The following SLC9B1 variants were observed in gnomAD, a reference collection of about 807,000 sequenced individuals.
The protein encoded by SLC9B1 is solute carrier family 9 member B1.
Under a neutral mutation model 51.7 loss-of-function variants are expected in SLC9B1, and 32 were observed. That is an observed-to-expected ratio of 0.62 (90% CI 0.47 to 0.83). SLC9B1 has a LOEUF of 0.83. Ranked by LOEUF, SLC9B1 falls within the 40% of genes least tolerant of loss-of-function variation. The pLI is 0.00. For synonymous variants in SLC9B1, 145 were observed against 212.7 expected (o/e 0.68, Z 2.77); for missense variants, 406 against 613.2 (o/e 0.66, Z 3.57).
chr4:102,984,231 T>C (rs1327065894), intron 3 of SLC9B1, among the ~76,000 whole-genome samples: 1 of 152,108 alleles, frequency 6.6e-6, no homozygotes, highest in Admixed American at 6.6e-5. Flanking sequence ...TCTTCCCACC[T>C]CAGCCTCCCA....
chr4:102,968,729 C>T lies in SLC9B1; in HGVS notation c.212-19302G>A, dbSNP rs558429214. Among the ~76,000 whole-genome samples the T allele has an allele frequency of 1.4e-3, 211 of 152,284 alleles. No homozygotes were observed. The Middle Eastern group carries it at 0.017, about 12-fold the overall frequency. ...GGTGAGCTGAAGCAGGGCAGGGCAT[C>T]GCCTCATCCGGGAAGCAGCACAAGG... On this transcript the variant is annotated intron_variant, in intron 3 of 11. Coordinates refer to ENST00000296422, the MANE Select transcript of SLC9B1 (RefSeq NM_139173.4).
At chr4:102,986,177 T>G (rs1560520844) in intron 3 of SLC9B1, among the ~76,000 whole-genome samples, 2 of 152,084 alleles carry the variant, frequency 1.3e-5, no homozygotes, top group Non-Finnish European at 2.9e-5. Context: ...CAATTTTTGT[T>G]TATCTGTGAA....
intron 1 of SLC9B1, among the ~76,000 whole-genome samples, chr4:103,002,253 C>CT (rs1386543809): frequency 6.6e-6 from 1 of 152,198 alleles, no homozygotes; most frequent in Non-Finnish European, 1.5e-5. Flanking sequence ...ACTGTCCATA[C>CT]TTTCCTATAT....
At chr4:102,915,962 C>T (rs1735558130) in intron 7 of SLC9B1, among the ~76,000 whole-genome samples, 1 of 151,530 alleles carries the variant, frequency 6.6e-6, no homozygotes, top group African/African-American at 2.4e-5. Context: ...AGAAAGGAAC[C>T]CAAGCATGCC....
chr4:103,002,325 T>A lies in SLC9B1; in HGVS notation c.-1-10613A>T, dbSNP rs146658479. 2.6e-3 allele frequency among the ~76,000 whole-genome samples: 392 copies of A among 152,328 alleles called. 1 individual carries two copies. The highest frequency in any genetic ancestry group is 6.8e-3 in the Middle Eastern group (2 of 294). ...CTATAAATAAAGGAGTTGGAGCCCA[T>A]CAGGCAGTCTGACTCCAGAGCCCAT... On this transcript the variant is annotated intron_variant, in intron 1 of 11. Coordinates refer to ENST00000296422, the MANE Select transcript of SLC9B1 (RefSeq NM_139173.4).
At chr4:102,914,661 C>G (rs998875090) in intron 7 of SLC9B1, among the ~76,000 whole-genome samples, 22 of 152,160 alleles carry the variant, frequency 1.4e-4, no homozygotes, top group African/African-American at 5.1e-4. Context: ...ATCAGTGAAA[C>G]AGAAGACTAG....
Position 102,951,958 on chromosome 4 carries a change from A to ATTT in SLC9B1, c.212-2532_212-2531insAAA, listed in dbSNP as rs1410808257. On this transcript the variant is annotated intron_variant, in intron 3 of 11. Coordinates refer to ENST00000296422, the MANE Select transcript of SLC9B1 (RefSeq NM_139173.4). ...ATAGACTACCAAAGGCAAAAATAAAATCTTTTTTTTTTTTTTTTTTTTATT... is the reference window on the plus strand; with the variant it reads ...ATAGACTACCAAAGGCAAAAATAAAATTTTCTTTTTTTTTTTTTTTTTTTTATT... Among the ~76,000 whole-genome samples the ATTT allele has an allele frequency of 2.4e-4, 2 of 8,224 alleles. 1 individual carries two copies. The highest frequency in any genetic ancestry group is 9.8e-4 in the African/African-American group (2 of 2,044). The allele number at this position is 8,224 out of a possible 152,430, so 5.4% of individuals were successfully genotyped here. A position where few individuals can be genotyped will look rare whatever the true frequency, so the allele number is the denominator to read the frequency against.
At chr4:102,887,233 ATT>A in intron 11 of SLC9B1, 1 of 700,374 alleles carries the variant, frequency 1.4e-6, no homozygotes, top group South Asian at 1.6e-5. Context: ...AAACGATCTG[ATT>A]TTTTTTAGCA....
chr4:102,946,418 C>T (rs1156281514), intron 5 of SLC9B1, among the ~76,000 whole-genome samples: 1 of 152,162 alleles, frequency 6.6e-6, no homozygotes, highest in Non-Finnish European at 1.5e-5. Context: ...TCAAGCAATT[C>T]TCTTGCCTCA....
At chr4:102,963,953 G>A (rs1303465062) in intron 3 of SLC9B1, among the ~76,000 whole-genome samples, 4 of 151,932 alleles carry the variant, frequency 2.6e-5, no homozygotes, top group East Asian at 1.9e-4. Flanking sequence ...AAATAAAAAG[G>A]TCACAGTGGA....
chr4:102,915,568 T>C (rs763596051), intron 7 of SLC9B1, among the ~76,000 whole-genome samples: 1 of 152,136 alleles, frequency 6.6e-6, no homozygotes, highest in Non-Finnish European at 1.5e-5. Context: ...ATAATATTTT[T>C]AAATTTTTAG....
intron 6 of SLC9B1, among the ~76,000 whole-genome samples, chr4:102,943,158 C>CAAAAA (rs1475762867): frequency 2.7e-5 from 3 of 111,356 alleles, no homozygotes; most frequent in African/African-American, 1.0e-4. Flanking sequence ...TAGCCATAAT[C>CAAAAA]AAAAAAATAA....
chr4:102,984,122 A>G (rs1739496490), intron 3 of SLC9B1, among the ~76,000 whole-genome samples: 1 of 151,412 alleles, frequency 6.6e-6, no homozygotes, highest in Non-Finnish European at 1.5e-5. Flanking sequence ...TTATTATTTT[A>G]TTTTATTTTA....
Position 102,976,702 on chromosome 4 carries a change from T to A in SLC9B1, c.211+13098A>T, listed in dbSNP as rs906459943. ...TTAAGGGATAGGATGGACACAGATA[T>A]AGCAACGTGAAGTCAAGAGCACATT... On this transcript the variant is annotated intron_variant, in intron 3 of 11. Coordinates refer to ENST00000296422, the MANE Select transcript of SLC9B1 (RefSeq NM_139173.4). Among the ~76,000 whole-genome samples, 3 of 152,222 alleles carry A rather than the reference T, an allele frequency of 2.0e-5. No homozygotes were observed. In the East Asian group the frequency reaches 5.8e-4, roughly 29 times the overall value.
At chr4:102,905,896 C>T (rs1735020791) in intron 10 of SLC9B1, among the ~76,000 whole-genome samples, 1 of 152,004 alleles carries the variant, frequency 6.6e-6, no homozygotes, top group South Asian at 2.1e-4. Context: ...TTATACAATT[C>T]TGAACTAATA....
At chr4:103,016,589 A>C in intron 1 of SLC9B1, 1 of 144,200 alleles carries the variant, frequency 6.9e-6, no homozygotes, top group East Asian at 2.0e-4. Flanking sequence ...ATGATTCAGT[A>C]CTGTTGGCCA....
At position 102,901,197 on chromosome 4, in the gene SLC9B1, T is replaced by C; in HGVS notation, c.1468A>G (p.Ile490Val). The C allele has an allele frequency of 6.2e-7, 1 of 1,612,056 alleles. No homozygotes were observed. The highest frequency in any genetic ancestry group is 8.5e-7 in the Non-Finnish European group (1 of 1,179,856). ...CGTGTAAGCATTTTAGGCCCCAGAA[T>C]GCCCATAAGTAGAGCTCCATTTGGA... ...TAPNGALLMG[I>V]LGPKMLTRHY... The change falls in exon 12 of 12, where the codon ATT (isoleucine) becomes GTT (valine). Residue 490 changes from isoleucine to valine, a missense_variant. This residue lies in a region of SLC9B1 where 18 missense variants were observed against 35.9 expected (regional missense o/e 0.50). Transcript: ENST00000296422.
At chr4:102,904,452 T>C (rs191828094) in intron 11 of SLC9B1, among the ~76,000 whole-genome samples, 1,554 of 115,488 alleles carry the variant, frequency 0.013, 34 homozygotes, top group African/African-American at 0.059. Context: ...TTATTATATA[T>C]TTTAGGAAAA....
intron 9 of SLC9B1, among the ~76,000 whole-genome samples, chr4:102,907,098 C>T (rs1165367701): frequency 6.6e-6 from 1 of 152,144 alleles, no homozygotes; most frequent in Non-Finnish European, 1.5e-5. Flanking sequence ...AAACTGAGCA[C>T]TTCAATAGTT....
Sources: allele counts gnomAD v4.1 joint callset (sites outside exome capture counted in the v4.1 genomes callset), GRCh38; gene constraint gnomAD v4.1.1; regional missense constraint gnomAD v4.1.1; transcripts MANE v1.5; gene names NCBI Gene and HGNC (gene_info 2026-07-23, HGNC 2026-07-21).